Variants in CHRNA7 observed in about 807,000 individuals in gnomAD.
CHRNA7 encodes the protein neuronal acetylcholine receptor subunit alpha-7.
A neutral mutation model predicts 48.0 loss-of-function variants in CHRNA7; 17 were observed. That is an observed-to-expected ratio of 0.35 (90% CI 0.24 to 0.53). The LOEUF is 0.53. CHRNA7 is among the 20% of genes least tolerant of loss of function. CHRNA7 has a pLI of 0.92. For missense variants in CHRNA7, 155 were observed against 577.7 expected, an observed-to-expected ratio of 0.27 and a Z score of 7.50; for synonymous variants, 75 against 242.3, an observed-to-expected ratio of 0.31 and a Z score of 6.41.
rs536010959 is a variant in CHRNA7 at position 32,119,877 on chromosome 15, C to T, written c.350+7978C>T. Among the ~76,000 whole-genome samples the T allele has an allele frequency of 5.6e-4, 86 of 152,222 alleles. 1 individual carries two copies. In the South Asian group the frequency reaches 0.016, roughly 28 times the overall value. ...CCCAGCTGTTTGCCTCGGGCTAACT[C>T]GGAGCCCACCTGTCTGCACCAGAGT... On this transcript the variant is annotated intron_variant, in intron 4 of 9. Coordinates refer to ENST00000306901, the MANE Select transcript of CHRNA7 (RefSeq NM_000746.6).
At chr15:32,109,190 G>C (rs2050722560) in intron 3 of CHRNA7, among the ~76,000 whole-genome samples, 1 of 152,168 alleles carries the variant, frequency 6.6e-6, no homozygotes, top group Admixed American at 6.5e-5. Context: ...CTGAACAAGG[G>C]GTGGATTATT....
At position 32,031,090 on chromosome 15, in the gene CHRNA7, G is replaced by A. The variant is rs949020285; in HGVS notation, c.195+53G>A. 41 of 1,606,904 alleles carry A rather than the reference G, an allele frequency of 2.6e-5. No homozygotes were observed. In the Admixed American group the frequency reaches 6.4e-4, roughly 25 times the overall value. Reference sequence around the variant, plus strand: ...CCTCTCCCCTTCCTGGGCTCCGAGGGGCTTTTTAGACAGCGTCGGGCGGCC... The same window carrying A: ...CCTCTCCCCTTCCTGGGCTCCGAGGAGCTTTTTAGACAGCGTCGGGCGGCC... On this transcript the variant is annotated intron_variant, in intron 2 of 9. Coordinates refer to ENST00000306901, the MANE Select transcript of CHRNA7 (RefSeq NM_000746.6).
chr15:32,069,323 A>G (rs940342393), intron 2 of CHRNA7, among the ~76,000 whole-genome samples: 2 of 152,244 alleles, frequency 1.3e-5, no homozygotes, highest in African/African-American at 2.4e-5. Flanking sequence ...GAAATACTAA[A>G]TGAGTAGACA....
intron 2 of CHRNA7, among the ~76,000 whole-genome samples, chr15:32,036,627 C>G (rs946736399): frequency 1.3e-5 from 2 of 152,082 alleles, no homozygotes; most frequent in Non-Finnish European, 2.9e-5. Context: ...TTAAGCATTC[C>G]AATAGGTGTG....
rs1901798856 is a variant in CHRNA7 at position 32,030,926 on chromosome 15, G to A, written c.84G>A (p.Lys28=). 6.2e-7 allele frequency: 1 copy of A among 1,614,184 alleles called. No homozygotes were observed. Among genetic ancestry groups the A allele is most frequent in the East Asian group, 2.2e-5 (1 of 44,860 alleles). ...HVSLQGEFQR[K]LYKELVKNYN... is the part of the protein sequence containing the mutation. ...CCCTGCAAGGCGAGTTCCAGAGGAA[G>A]CTTTACAAGGAGCTGGTCAAGAACT... Residue 28 remains lysine (K), a synonymous_variant, in exon 2 of 10, where the codon AAG becomes AAA. Transcript: ENST00000306901.
chr15:32,039,741 T>TG, intron 2 of CHRNA7, among the ~76,000 whole-genome samples: 1 of 152,000 alleles, frequency 6.6e-6, no homozygotes, highest in Middle Eastern at 3.4e-3. Flanking sequence ...GATAAAATAG[T>TG]CTATAGATGT....
At position 32,050,856 on chromosome 15, in the gene CHRNA7, C is replaced by G. The variant is rs555797570; in HGVS notation, c.195+19819C>G. 2.0e-3 allele frequency among the ~76,000 whole-genome samples: 305 copies of G among 152,226 alleles called. 2 individuals carry two copies. Among genetic ancestry groups the G allele is most frequent in the African/African-American group, 6.8e-3 (281 of 41,530 alleles). On this transcript the variant is annotated intron_variant, in intron 2 of 9. Transcript: ENST00000306901. ...ATGTCCTGTCTGTTTGTTAGTTTTC[C>G]TTCTAACAGACAGGACCCTCAGCTG... is the stretch of plus-strand genomic sequence containing the variant.
At chr15:32,058,572 C>T (rs11637923) in intron 2 of CHRNA7, among the ~76,000 whole-genome samples, 39,719 of 151,922 alleles carry the variant, frequency 0.26, 6,415 homozygotes, top group East Asian at 0.59. Flanking sequence ...TTAGAGTGCT[C>T]GAAACTTAGT....
chr15:32,112,874 T>C (rs2050786824), intron 4 of CHRNA7, among the ~76,000 whole-genome samples: 1 of 152,218 alleles, frequency 6.6e-6, no homozygotes, highest in Non-Finnish European at 1.5e-5. Context: ...CGGCCACATT[T>C]CACTTGAATC....
chr15:32,138,658 C>T (rs920855972), intron 4 of CHRNA7, among the ~76,000 whole-genome samples: 1 of 152,144 alleles, frequency 6.6e-6, no homozygotes, highest in Non-Finnish European at 1.5e-5. Flanking sequence ...AGCTTCACTG[C>T]CCTAAAAATC....
At position 32,104,512 on chromosome 15, in the gene CHRNA7, G is replaced by A. The variant is rs549846821; in HGVS notation, c.240+3165G>A. 6.1e-4 allele frequency among the ~76,000 whole-genome samples: 93 copies of A among 152,256 alleles called. 1 individual carries two copies. Among genetic ancestry groups the A allele is most frequent in the African/African-American group, 2.1e-3 (89 of 41,542 alleles). ...CTTCTCACCATGTAACCCGCTTTGT[G>A]TTCACTCGTCTATCTGTTCATTGGT... On this transcript the variant is annotated intron_variant, in intron 3 of 9. Transcript: ENST00000306901.
intron 4 of CHRNA7, among the ~76,000 whole-genome samples, chr15:32,144,570 G>C (rs1373541598): frequency 6.6e-6 from 1 of 152,100 alleles, no homozygotes; most frequent in African/African-American, 2.4e-5. Flanking sequence ...CATAGATTTG[G>C]TCTTGTCACA....
intron 3 of CHRNA7, among the ~76,000 whole-genome samples, chr15:32,106,131 C>T (rs12898914): frequency 8.7e-4 from 132 of 152,160 alleles, no homozygotes; most frequent in Admixed American, 1.9e-3. Flanking sequence ...TGACCCAGCA[C>T]GATAATGGAC....
chr15:32,149,992 A>G lies in CHRNA7; in HGVS notation c.351-3915A>G, dbSNP rs1289743589. On this transcript the variant is annotated intron_variant, in intron 4 of 9. Transcript: ENST00000306901. This position sits in a 1 kb window ranked among gnomAD's most constrained non-coding sequence, Gnocchi z 4.6. ...TAAGCAAAACTTTGTTCCCCATAACATGCATCAAACCACACTATTCTTAAT... is the reference window on the plus strand; with the variant it reads ...TAAGCAAAACTTTGTTCCCCATAACGTGCATCAAACCACACTATTCTTAAT... Among the ~76,000 whole-genome samples the G allele has an allele frequency of 1.3e-5, 2 of 152,074 alleles. No individual in the cohort carries two copies. The highest frequency in any genetic ancestry group is 2.9e-5 in the Non-Finnish European group (2 of 68,016).
intron 4 of CHRNA7, among the ~76,000 whole-genome samples, chr15:32,144,022 T>G (rs2051435723): frequency 6.6e-6 from 1 of 152,228 alleles, no homozygotes; most frequent in Non-Finnish European, 1.5e-5. Flanking sequence ...ATCGATGGTC[T>G]TTACCATTTG....
At chr15:32,071,556 G>A (rs938579528) in intron 2 of CHRNA7, among the ~76,000 whole-genome samples, 4 of 152,154 alleles carry the variant, frequency 2.6e-5, no homozygotes, top group Admixed American at 6.5e-5. Flanking sequence ...AGTATTGGAG[G>A]TGGGGCCTGG....
chr15:32,146,393 A>G (rs1359689919), intron 4 of CHRNA7, among the ~76,000 whole-genome samples: 2 of 152,234 alleles, frequency 1.3e-5, no homozygotes, highest in Non-Finnish European at 2.9e-5. Context: ...CTTTTTAAAA[A>G]TATCTTAGTG....
intron 4 of CHRNA7, among the ~76,000 whole-genome samples, chr15:32,129,894 T>C (rs2051127307): frequency 6.6e-6 from 1 of 151,964 alleles, no homozygotes; most frequent in Non-Finnish European, 1.5e-5. Context: ...TACATATTGA[T>C]ACATTGCATT....
intron 2 of CHRNA7, among the ~76,000 whole-genome samples, chr15:32,071,067 C>T (rs976488520): frequency 4.6e-5 from 7 of 152,186 alleles, no homozygotes; most frequent in African/African-American, 1.7e-4. Context: ...CATTGAATTG[C>T]TTTTGCACAT....
Sources: allele counts gnomAD v4.1 joint callset (sites outside exome capture counted in the v4.1 genomes callset), GRCh38; gene constraint gnomAD v4.1.1; non-coding constraint Gnocchi (gnomAD v3.1); transcripts MANE v1.5; gene names NCBI Gene and HGNC (gene_info 2026-07-23, HGNC 2026-07-21).